Variants in ADAMTSL1 observed in about 807,000 individuals in gnomAD.
The protein encoded by ADAMTSL1 is ADAMTS like 1.
ADAMTSL1 carries 126 observed loss-of-function variants against 201.8 expected under a neutral mutation model. That is an observed-to-expected ratio of 0.62 (90% CI 0.54 to 0.72). The LOEUF (loss-of-function observed/expected upper bound fraction) is 0.72. Among genes scored for constraint, ADAMTSL1 ranks in the 30% least tolerant of loss-of-function variants. The pLI, the probability that ADAMTSL1 is intolerant of heterozygous loss-of-function variation, is 0.00. For synonymous variants in ADAMTSL1, 1,121 were observed against 903.4 expected (o/e 1.24, Z -4.32); for missense variants, 2,679 against 2,277.8 (o/e 1.18, Z -3.59).
rs537144238 is a variant in ADAMTSL1 at position 18,711,981 on chromosome 9, G to A, written c.1876+4933G>A. Among the ~76,000 whole-genome samples the A allele has an allele frequency of 4.0e-4, 61 of 152,276 alleles. No homozygotes were observed. In the East Asian group the frequency reaches 0.01, roughly 26 times the overall value. ...CTAACTGGGAGGCACCCCCCAGCAG[G>A]GGCAGACTGACACCTCACACGGCCG... On this transcript the variant is annotated intron_variant, in intron 14 of 28. Transcript: ENST00000380548.
intron 2 of ADAMTSL1, among the ~76,000 whole-genome samples, chr9:18,370,122 A>T (rs1457276246): frequency 6.6e-6 from 1 of 152,132 alleles, no homozygotes; most frequent in African/African-American, 2.4e-5. Context: ...TCTACTAAAA[A>T]TACAAAAATT....
intron 2 of ADAMTSL1, among the ~76,000 whole-genome samples, chr9:18,422,519 C>T (rs1554676396): frequency 2.6e-5 from 4 of 152,124 alleles, no homozygotes; most frequent in Non-Finnish European, 4.4e-5. Flanking sequence ...TCCTGAGCCT[C>T]GTTGTTCACC....
chr9:18,525,169 G>C (rs1329996776), intron 2 of ADAMTSL1, among the ~76,000 whole-genome samples: 2 of 152,116 alleles, frequency 1.3e-5, no homozygotes, highest in Non-Finnish European at 2.9e-5. Context: ...TTTAGTCTTG[G>C]GAGGGTGTAT....
intron 13 of ADAMTSL1, among the ~76,000 whole-genome samples, chr9:18,688,629 C>T (rs1270117483): frequency 8.7e-6 from 1 of 115,202 alleles, no homozygotes. Flanking sequence ...GATCTTGCCA[C>T]CAAACTCCAG....
intron 1 of ADAMTSL1, among the ~76,000 whole-genome samples, chr9:18,098,548 T>C (rs1359469592): frequency 6.6e-6 from 1 of 152,242 alleles, no homozygotes; most frequent in East Asian, 1.9e-4. Context: ...AAACATGTAA[T>C]TGATTTGCAT....
intron 1 of ADAMTSL1, among the ~76,000 whole-genome samples, chr9:18,042,587 C>T (rs776226943): frequency 1.3e-5 from 2 of 152,122 alleles, no homozygotes; most frequent in Non-Finnish European, 2.9e-5. Context: ...TCTATTCTGC[C>T]TCTGTTTAGT....
intron 2 of ADAMTSL1, among the ~76,000 whole-genome samples, chr9:18,447,525 A>G (rs1157924368): frequency 1.3e-5 from 2 of 152,194 alleles, no homozygotes; most frequent in Non-Finnish European, 2.9e-5. Flanking sequence ...AGGAAGGGAC[A>G]AAAATAGAAC....
rs1563790470 is a variant in ADAMTSL1, at chr9:18,776,889, C to T, written c.2660C>T (p.Ala887Val). ...CTGCACTTCGTGGTGGGGGGCTTCG[C>T]CTACCTGCTCCCCAAGACGGCGGTG... ...RKLHFVVGGFAYLLPKTAVVL... is the reference protein window; with the variant it reads ...RKLHFVVGGFVYLLPKTAVVL... The change falls in exon 19 of 29, where the codon GCC becomes GTC. Residue 887 changes from alanine to valine, a missense_variant. Physicochemically the swap from Ala to Val is moderately conservative, Grantham distance 64. Coordinates refer to ENST00000380548, the MANE Select transcript of ADAMTSL1 (RefSeq NM_001040272.6). 1 of 1,611,310 alleles carries T rather than the reference C, an allele frequency of 6.2e-7. No individual in the cohort carries two copies.
At chr9:18,585,223 T>C (rs1823405635) in intron 4 of ADAMTSL1, among the ~76,000 whole-genome samples, 1 of 152,194 alleles carries the variant, frequency 6.6e-6, no homozygotes, top group Admixed American at 6.5e-5. Context: ...TGCTATTCCA[T>C]TTATGAAGTG....
At chr9:18,658,228 C>T (rs1316889637) in intron 8 of ADAMTSL1, among the ~76,000 whole-genome samples, 1 of 152,172 alleles carries the variant, frequency 6.6e-6, no homozygotes, top group Non-Finnish European at 1.5e-5. Flanking sequence ...CCCACCTCGG[C>T]CTCCCAAAGT....
chr9:17,964,859 C>G (rs1413959954), intron 1 of ADAMTSL1, among the ~76,000 whole-genome samples: 1 of 152,020 alleles, frequency 6.6e-6, no homozygotes, highest in Non-Finnish European at 1.5e-5. Context: ...TTTACTTCAT[C>G]TGGATTTCTT....
intron 13 of ADAMTSL1, among the ~76,000 whole-genome samples, chr9:18,689,025 C>G (rs1831049734): frequency 6.6e-6 from 1 of 151,972 alleles, no homozygotes; most frequent in Non-Finnish European, 1.5e-5. Context: ...CATTTAAATG[C>G]CAGATTGAGC....
chr9:18,701,189 A>G lies in ADAMTSL1; in HGVS notation c.1575-5558A>G, dbSNP rs181091676. 1.3e-5 allele frequency among the ~76,000 whole-genome samples: 2 copies of G among 150,458 alleles called. 1 individual carries two copies. Among genetic ancestry groups the G allele is most frequent in the Admixed American group, 1.3e-4 (2 of 15,090 alleles). ...AAGAATGCACTTAACAGAGTTATCC[A>G]GTAATCAGTAATCTTTTGGGTTCTT... On this transcript the variant is annotated intron_variant, in intron 13 of 28. Transcript: ENST00000380548.
intron 2 of ADAMTSL1, among the ~76,000 whole-genome samples, chr9:18,521,968 T>C (rs767881147): frequency 6.6e-6 from 1 of 152,186 alleles, no homozygotes; most frequent in Non-Finnish European, 1.5e-5. Context: ...TTCTAGTCCC[T>C]GGGTGTTCAG....
chr9:18,796,459 A>G (rs1822426977), intron 20 of ADAMTSL1: 1 of 152,206 alleles, frequency 6.6e-6, no homozygotes, highest in South Asian at 2.1e-4. Context: ...TGCTCTCATC[A>G]GATGATTCAG....
At chr9:18,706,146 A>G (rs1196800974) in intron 13 of ADAMTSL1, among the ~76,000 whole-genome samples, 2 of 152,194 alleles carry the variant, frequency 1.3e-5, no homozygotes, top group Non-Finnish European at 2.9e-5. Context: ...TGAGTTTTCC[A>G]GGAAAGGAAT....
At chr9:18,012,067 C>A (rs142004648) in intron 1 of ADAMTSL1, among the ~76,000 whole-genome samples, 1 of 151,982 alleles carries the variant, frequency 6.6e-6, no homozygotes, top group Admixed American at 6.6e-5. Flanking sequence ...GAGAAAGAAA[C>A]AGGTTTGCCC....
At chr9:18,372,717 C>T (rs1420824775) in intron 2 of ADAMTSL1, among the ~76,000 whole-genome samples, 4 of 152,148 alleles carry the variant, frequency 2.6e-5, no homozygotes, top group Middle Eastern at 3.2e-3. Flanking sequence ...AGGCTTGCTC[C>T]CATCTATCGT....
At chr9:18,102,359 A>G (rs1231973451) in intron 1 of ADAMTSL1, among the ~76,000 whole-genome samples, 3 of 152,152 alleles carry the variant, frequency 2.0e-5, no homozygotes, top group African/African-American at 7.2e-5. Context: ...TGAAAATATT[A>G]TTTATCCAAT....
Sources: gnomAD v4.1 joint callset for allele counts (sites outside exome capture counted in the v4.1 genomes callset) on GRCh38, gnomAD v4.1.1 for gene constraint, MANE v1.5 for transcripts, NCBI Gene and HGNC (gene_info 2026-07-23, HGNC 2026-07-21) for gene names.